Variants in CACNA1D observed in about 807,000 individuals in gnomAD.
CACNA1D encodes calcium voltage-gated channel subunit alpha1 D.
A neutral mutation model predicts 257.1 loss-of-function variants in CACNA1D; 55 were observed. That is an observed-to-expected ratio of 0.21 (90% CI 0.17 to 0.27). CACNA1D has a LOEUF of 0.27. Ranked by LOEUF, CACNA1D falls within the 10% of genes least tolerant of loss-of-function variation. The pLI, the probability that CACNA1D is intolerant of heterozygous loss-of-function variation, is 1.00. For missense variants in CACNA1D, 1,876 were observed against 2,784.0 expected (o/e 0.67, Z 7.34); for synonymous variants, 980 against 1,014.9 (o/e 0.97, Z 0.65).
At chr3:53,691,892 A>G in intron 8 of CACNA1D, among the ~76,000 whole-genome samples, 1 of 102,814 alleles carries the variant, frequency 9.7e-6, no homozygotes, top group Non-Finnish European at 1.9e-5. Flanking sequence ...TATATATTAT[A>G]TATATTACAT....
In CACNA1D at chr3:53,692,150, C is replaced by T. The variant is rs866172404; in HGVS notation, c.1221-10491C>T. 1.3e-4 allele frequency among the ~76,000 whole-genome samples: 19 copies of T among 150,832 alleles called. 1 individual carries two copies. Among genetic ancestry groups the T allele is most frequent in the Middle Eastern group, 3.4e-3 (1 of 294 alleles). ...TTTTTATCGAGCAACTACTAATGGC[C>T]GGGGTTTGTGATAAGGAACCAGTAT... On this transcript the variant is annotated intron_variant, in intron 8 of 47. Coordinates refer to ENST00000350061, the MANE Select transcript of CACNA1D (RefSeq NM_001128840.3).
Position 53,774,126 on chromosome 3 carries a change from C to A in CACNA1D, c.4111-461C>A. Reference sequence around the variant, plus strand: ...CGGTATCTATGCTGTCACCCTGCTCCTATGCACATGGTGCTCCCTCCACCC... The same window carrying A: ...CGGTATCTATGCTGTCACCCTGCTCATATGCACATGGTGCTCCCTCCACCC... On this transcript the variant is annotated intron_variant, in intron 33 of 47. Coordinates refer to ENST00000350061, the MANE Select transcript of CACNA1D (RefSeq NM_001128840.3). This position sits in a 1 kb window ranked among gnomAD's most constrained non-coding sequence, Gnocchi z 4.3. The A allele has an allele frequency of 4.9e-6, 1 of 202,674 alleles. No individual in the cohort carries two copies. The highest frequency in any genetic ancestry group is 1.0e-5 in the Non-Finnish European group (1 of 98,602). 12.6% of individuals were successfully genotyped at this position (202,674 alleles called of 1,614,324 possible). A position where few individuals can be genotyped will look rare whatever the true frequency, so the allele number is the denominator to read the frequency against.
chr3:53,535,755 G>T (rs956155602), intron 3 of CACNA1D, among the ~76,000 whole-genome samples: 1 of 152,188 alleles, frequency 6.6e-6, no homozygotes, highest in African/African-American at 2.4e-5. Context: ...ATATATCCTA[G>T]ACCACAAATT....
At position 53,801,330 on chromosome 3, in the gene CACNA1D, G is replaced by T; in HGVS notation, c.5313G>T (p.Arg1771=). 6.2e-7 allele frequency: 1 copy of T among 1,614,144 alleles called. No homozygotes were observed. The highest frequency in any genetic ancestry group is 8.5e-7 in the Non-Finnish European group (1 of 1,180,010). Reference sequence around the variant, plus strand: ...TGTCCAAAGCTGCCCATGGAAAGCGGCCCAGCATTGGGAACCTTGAGCATG... The same window carrying T: ...TGTCCAAAGCTGCCCATGGAAAGCGTCCCAGCATTGGGAACCTTGAGCATG... The part of the protein sequence containing the change: ...ANMSKAAHGK[R]PSIGNLEHVS... Residue 1771 remains arginine, a synonymous_variant, in exon 42 of 48, where the codon CGG becomes CGT. Transcript: ENST00000350061.
In CACNA1D at chr3:53,637,996, A is replaced by G. The variant is rs3774500; in HGVS notation, c.484-12783A>G. Among the ~76,000 whole-genome samples the G allele has an allele frequency of 4.3e-3, 653 of 152,352 alleles. 26 individuals are homozygous for G. The East Asian group carries it at 0.086, about 20-fold the overall frequency. ...AAAATATTTTAAAGCTTCTATTCAT[A>G]TATTTACTTAGAAAGGTATGATCCG... On this transcript the variant is annotated intron_variant, in intron 3 of 47. Coordinates refer to ENST00000350061, the MANE Select transcript of CACNA1D (RefSeq NM_001128840.3).
intron 3 of CACNA1D, among the ~76,000 whole-genome samples, chr3:53,602,164 A>G (rs559146900): frequency 6.6e-6 from 1 of 152,078 alleles, no homozygotes; most frequent in Non-Finnish European, 1.5e-5. Context: ...CTCTATCTTC[A>G]TGAGAGCCAC....
At chr3:53,670,828 C>G (rs961284494) in intron 7 of CACNA1D, among the ~76,000 whole-genome samples, 1 of 152,110 alleles carries the variant, frequency 6.6e-6, no homozygotes, top group Non-Finnish European at 1.5e-5. Flanking sequence ...CCCAAGCAGT[C>G]TCTATTTTCA....
intron 3 of CACNA1D, among the ~76,000 whole-genome samples, chr3:53,541,825 ACGGT>A (rs1240482915): frequency 6.6e-6 from 1 of 152,074 alleles, no homozygotes; most frequent in East Asian, 1.9e-4. Flanking sequence ...TATTTGTATA[ACGGT>A]CTTTTACCAT....
intron 43 of CACNA1D, 138 bp from the exon 44 acceptor site, chr3:53,803,285 A>T: frequency 1.1e-6 from 1 of 873,640 alleles, no homozygotes. Context: ...GGAACAGTCC[A>T]GTGCTGCCTG....
At chr3:53,535,735 G>A (rs1033116988) in intron 3 of CACNA1D, among the ~76,000 whole-genome samples, 2 of 152,196 alleles carry the variant, frequency 1.3e-5, no homozygotes, top group Non-Finnish European at 2.9e-5. Flanking sequence ...GGGCAGTTAT[G>A]AAGATCCTGA....
At chr3:53,688,521 G>A (rs531842614) in intron 8 of CACNA1D, among the ~76,000 whole-genome samples, 3 of 152,266 alleles carry the variant, frequency 2.0e-5, no homozygotes, top group South Asian at 2.1e-4. Context: ...CTGGATAAAC[G>A]GGAAGACCTT....
intron 8 of CACNA1D, among the ~76,000 whole-genome samples, chr3:53,684,467 C>CA (rs771445232): frequency 8.9e-4 from 135 of 151,950 alleles, no homozygotes; most frequent in Non-Finnish European, 1.8e-3. Flanking sequence ...ACTAAAAATA[C>CA]AAAAAATTAG....
rs1046989416 is a variant in CACNA1D, at chr3:53,800,719, G to C, written c.5041-339G>C. The C allele has an allele frequency of 6.2e-5, 31 of 498,782 alleles. 1 individual carries two copies. The highest frequency in any genetic ancestry group is 6.1e-4 in the South Asian group (30 of 49,222). 30.9% of individuals were successfully genotyped at this position (498,782 alleles called of 1,614,324 possible). A position where few individuals can be genotyped will look rare whatever the true frequency, so the allele number is the denominator to read the frequency against. On this transcript the variant is annotated intron_variant, in intron 41 of 47. Transcript: ENST00000350061. The surrounding 1 kb of genome is among the most constrained non-coding windows in gnomAD (Gnocchi z 4.3). ...CAGCTCTTTGATCTGCCAGCTGGCT[G>C]TCAGTCCCCCAGCCCAGAGAGCATG...
intron 3 of CACNA1D, among the ~76,000 whole-genome samples, chr3:53,582,564 C>T (rs2093150675): frequency 6.6e-6 from 1 of 151,978 alleles, no homozygotes; most frequent in Non-Finnish European, 1.5e-5. Flanking sequence ...AGAAAGCATT[C>T]CTGGCAGAGC....
chr3:53,735,441 A>G lies in CACNA1D; in HGVS notation c.2689A>G (p.Met897Val). ...CACCAACCTCATCCTTGTCTTCATC[A>G]TGCTGAGCAGCGCTGCCCTGGCCGC... ...IFTNLILVFIMLSSAALAAED... is the reference protein window; with the variant it reads ...IFTNLILVFIVLSSAALAAED... The change falls in exon 20 of 48, where the codon ATG becomes GTG. Residue 897 changes from methionine (M) to valine (V), a missense_variant. Met to Val is a conservative substitution (Grantham distance 21). This residue lies in a region of CACNA1D where 271 missense variants were observed against 425.5 expected (regional missense o/e 0.64). Transcript: ENST00000350061. The G allele has an allele frequency of 6.2e-7, 1 of 1,614,138 alleles. No individual in the cohort carries two copies. Among genetic ancestry groups the G allele is most frequent in the Non-Finnish European group, 8.5e-7 (1 of 1,179,966 alleles).
At chr3:53,798,495 T>G (rs1345382008) in intron 40 of CACNA1D, among the ~76,000 whole-genome samples, 1 of 152,208 alleles carries the variant, frequency 6.6e-6, no homozygotes. Flanking sequence ...ACCCGGGACA[T>G]GACTGTCTGT....
At chr3:53,586,276 CTGTGTGTGTGTGTGTGTG>C (rs57318445) in intron 3 of CACNA1D, among the ~76,000 whole-genome samples, 2 of 135,938 alleles carry the variant, frequency 1.5e-5, no homozygotes, top group East Asian at 2.2e-4. Flanking sequence ...TGCCTCTATT[CTGTGTGTGTGTGTGTGTG>C]TGTGTGTGTG....
At chr3:53,614,362 C>T (rs922170421) in intron 3 of CACNA1D, among the ~76,000 whole-genome samples, 10 of 152,218 alleles carry the variant, frequency 6.6e-5, no homozygotes, top group African/African-American at 2.4e-4. Flanking sequence ...GAAATCCGCC[C>T]TCTAGGGTGC....
At chr3:53,725,512 A>G (rs2094927348) in intron 14 of CACNA1D, among the ~76,000 whole-genome samples, 1 of 152,180 alleles carries the variant, frequency 6.6e-6, no homozygotes, top group South Asian at 2.1e-4. Flanking sequence ...TCCATTTTAA[A>G]TGTTGACACA....
Sources: allele counts gnomAD v4.1 joint callset (sites outside exome capture counted in the v4.1 genomes callset), GRCh38; gene constraint gnomAD v4.1.1; regional missense constraint gnomAD v4.1.1; non-coding constraint Gnocchi (gnomAD v3.1); transcripts MANE v1.5; gene names NCBI Gene and HGNC (gene_info 2026-07-23, HGNC 2026-07-21).